The following C11orf65 variants were observed in gnomAD, a reference collection of about 807,000 sequenced individuals.
The protein encoded by C11orf65 is chromosome 11 open reading frame 65.
In C11orf65, 38 loss-of-function variants were observed where a neutral mutation model predicts 35.3. The ratio of observed to expected loss-of-function variants is 1.08; its 90% CI spans 0.83 to 1.41. C11orf65 has a LOEUF of 1.41. C11orf65 is among the 40% of genes most tolerant of loss of function. The pLI is 0.00. For synonymous variants in C11orf65, 105 were observed against 114.4 expected (o/e 0.92, Z 0.53); for missense variants, 370 against 367.1 (o/e 1.01, Z -0.06).
chr11:108,317,367 G>A lies in C11orf65; in HGVS notation c.641-8296C>T, dbSNP rs1555114529. The A allele has an allele frequency of 2.5e-6, 4 of 1,609,696 alleles. No individual in the cohort carries two copies. ...TTAACTTAAAAACAAAATAACTCCTGTTTAGGCCTTGCAGAATTTGGGACT... is the reference window on the plus strand; with the variant it reads ...TTAACTTAAAAACAAAATAACTCCTATTTAGGCCTTGCAGAATTTGGGACT... On this transcript the variant is annotated intron_variant, in intron 6 of 6. Transcript: ENST00000525729.
intron 3 of C11orf65, among the ~76,000 whole-genome samples, chr11:108,426,503 A>G (rs2092904426): frequency 1.3e-5 from 2 of 152,226 alleles, no homozygotes; most frequent in Non-Finnish European, 2.9e-5. Flanking sequence ...AAGAGAGGAC[A>G]CAAACAAATG....
At position 108,353,211 on chromosome 11, in the gene C11orf65, C is replaced by T. The variant is rs187605537; in HGVS notation, c.227-17919G>A. Among the ~76,000 whole-genome samples, 326 of 152,016 alleles carry T rather than the reference C, an allele frequency of 2.1e-3. 2 individuals are homozygous for T. Among genetic ancestry groups the T allele is most frequent in the Non-Finnish European group, 2.7e-3 (181 of 67,970 alleles). On this transcript the variant is annotated intron_variant, in intron 2 of 3. Transcript: ENST00000524755. Reference sequence around the variant, plus strand: ...TCGCCCAGGCTGGAGTGCAATGGCACGATCTCAGCTCCATGTATCCTTCAC... The same window carrying T: ...TCGCCCAGGCTGGAGTGCAATGGCATGATCTCAGCTCCATGTATCCTTCAC...
rs1026125789 is a variant in C11orf65 at position 108,399,808 on chromosome 11, G to C, written c.560+5621C>G. Among the ~76,000 whole-genome samples the C allele has an allele frequency of 9.9e-5, 15 of 152,144 alleles. No individual in the cohort carries two copies. In the South Asian group the frequency reaches 1.4e-3, roughly 15 times the overall value. ...AATCCCAGGTCAGTCCATGATCATAGCACTTGGTATCTTATTGTCAAGCAA... is the reference window on the plus strand; with the variant it reads ...AATCCCAGGTCAGTCCATGATCATACCACTTGGTATCTTATTGTCAAGCAA... On this transcript the variant is annotated intron_variant, in intron 6 of 8. Transcript: ENST00000393084.
chr11:108,354,540 G>C (rs1190792608), intron 2 of C11orf65, among the ~76,000 whole-genome samples: 3 of 152,214 alleles, frequency 2.0e-5, no homozygotes, highest in Non-Finnish European at 4.4e-5. Context: ...ATCAAAGACT[G>C]AGAGCTGAGC....
chr11:108,438,635 G>A (rs185267221), intron 2 of C11orf65, among the ~76,000 whole-genome samples: 15 of 152,096 alleles, frequency 9.9e-5, no homozygotes, highest in East Asian at 5.8e-4. Flanking sequence ...GCTTCATGAC[G>A]TTGGATTTGG....
At chr11:108,413,467 T>C (rs530027081) in intron 3 of C11orf65, among the ~76,000 whole-genome samples, 11 of 152,284 alleles carry the variant, frequency 7.2e-5, no homozygotes, top group African/African-American at 2.6e-4. Context: ...ATGTCACCAG[T>C]AGAAAAAAGA....
At chr11:108,453,147 T>TA (rs1165163791) in intron 2 of C11orf65, among the ~76,000 whole-genome samples, 29 of 122,392 alleles carry the variant, frequency 2.4e-4, no homozygotes, top group East Asian at 4.7e-4. Context: ...AAAGTATAAT[T>TA]AAAAAAAAAA....
At chr11:108,450,353 A>G (rs935051613) in intron 2 of C11orf65, among the ~76,000 whole-genome samples, 3 of 151,908 alleles carry the variant, frequency 2.0e-5, no homozygotes, top group Non-Finnish European at 4.4e-5. Flanking sequence ...TATTCACAAT[A>G]GCAAAGACTT....
rs1591172641 is a variant in C11orf65 at position 108,332,012 on chromosome 11, C to CT, written c.300-446dup. On this transcript the variant is annotated intron_variant, in intron 3 of 3. Coordinates refer to the C11orf65 transcript ENST00000524755. Reference sequence around the variant, plus strand: ...AGAAGCAGAATAACTAAAAATGTGCCTAAACAAAGCTCTCAGCTTGATGAG... The same window carrying CT: ...AGAAGCAGAATAACTAAAAATGTGCCTTAAACAAAGCTCTCAGCTTGATGAG... 1 of 1,613,852 alleles carries CT rather than the reference C, an allele frequency of 6.2e-7. No homozygotes were observed. Among genetic ancestry groups the CT allele is most frequent in the Non-Finnish European group, 8.5e-7 (1 of 1,179,902 alleles).
At chr11:108,374,202 C>G (rs543816039) in intron 2 of C11orf65, among the ~76,000 whole-genome samples, 1,033 of 48,026 alleles carry the variant, frequency 0.022, 16 homozygotes, top group African/African-American at 0.035. Flanking sequence ...GGTCCCTGAC[C>G]CCTGACCCCT....
intron 6 of C11orf65, among the ~76,000 whole-genome samples, chr11:108,317,674 CTATA>C (rs1241876600): frequency 7.7e-6 from 1 of 129,304 alleles, no homozygotes; most frequent in Non-Finnish European, 1.6e-5. Context: ...CACACACACA[CTATA>C]TATATATACA....
exon 7 of C11orf65, chr11:108,308,934 G>T: frequency 1.6e-6 from 2 of 1,251,296 alleles, no homozygotes; most frequent in Non-Finnish European, 2.3e-6. Flanking sequence ...TCTTGGTGTT[G>T]GGAGGCAGTT....
In C11orf65 at chr11:108,405,489, T is replaced by C; in HGVS notation, c.500A>G (p.Lys167Arg). Residue 167 changes from lysine to arginine, a missense_variant, in exon 6 of 9, where the codon AAG (lysine) becomes AGG (arginine). Physicochemically the swap from Lys to Arg is conservative, Grantham distance 26. Coordinates refer to ENST00000393084, the MANE Select transcript of C11orf65 (RefSeq NM_152587.5). ...KESEFHFSKLKRRQDLEKKRK... is the reference protein window; with the variant it reads ...KESEFHFSKLRRRQDLEKKRK... Reference sequence around the variant, plus strand: ...TTTCTTTTCCAAATCTTGCCTTCTCTTCAGTTTAGAGAAATGGAATTCACT... The same window carrying C: ...TTTCTTTTCCAAATCTTGCCTTCTCCTCAGTTTAGAGAAATGGAATTCACT... 6.2e-7 allele frequency: 1 copy of C among 1,613,780 alleles called. No individual in the cohort carries two copies. Among genetic ancestry groups the C allele is most frequent in the Non-Finnish European group, 8.5e-7 (1 of 1,179,814 alleles).
At position 108,410,866 on chromosome 11, in the gene C11orf65, G is replaced by A. The variant is rs149918009; in HGVS notation, c.175-3717C>T. Among the ~76,000 whole-genome samples, 426 of 151,760 alleles carry A rather than the reference G, an allele frequency of 2.8e-3. 2 individuals carry two copies. The Middle Eastern group carries it at 0.037, about 13-fold the overall frequency. On this transcript the variant is annotated intron_variant, in intron 3 of 8. Transcript: ENST00000393084. ...TGGGATTACAGGCACACGCAACCAC[G>A]ACTGGCTAATTTTTTCATATTTTTA...
At chr11:108,336,402 G>A (rs566929604) in intron 2 of C11orf65, 51 of 158,338 alleles carry the variant, frequency 3.2e-4, no homozygotes, top group Non-Finnish European at 6.6e-4. Context: ...TATTTTCTTT[G>A]TAAAAAGTAT....
intron 3 of C11orf65, among the ~76,000 whole-genome samples, chr11:108,430,431 G>A (rs914594313): frequency 1.3e-5 from 2 of 151,210 alleles, no homozygotes; most frequent in East Asian, 3.9e-4. Flanking sequence ...GAGCCACTGC[G>A]CCCAGCCTGA....
At position 108,416,415 on chromosome 11, in the gene C11orf65, C is replaced by T. The variant is rs544336433; in HGVS notation, c.175-9266G>A. On this transcript the variant is annotated intron_variant, in intron 3 of 8. Transcript: ENST00000393084. ...AACAATGAGGGCCCGGGCATGGTGG[C>T]TCAAGCCTGCAATCACAACACTTTG... Among the ~76,000 whole-genome samples, 312 of 152,236 alleles carry T rather than the reference C, an allele frequency of 2.0e-3. 1 individual carries two copies. The highest frequency in any genetic ancestry group is 7.0e-3 in the African/African-American group (292 of 41,532).
intron 2 of C11orf65, among the ~76,000 whole-genome samples, chr11:108,335,632 A>G (rs1430034451): frequency 6.6e-6 from 1 of 152,176 alleles, no homozygotes; most frequent in Non-Finnish European, 1.5e-5. Flanking sequence ...ATCTAATTAC[A>G]GAAGTAGCGA....
chr11:108,356,466 G>T (rs2089931476), intron 2 of C11orf65, among the ~76,000 whole-genome samples: 1 of 151,476 alleles, frequency 6.6e-6, no homozygotes, highest in African/African-American at 2.4e-5. Flanking sequence ...AACCCAGGAG[G>T]TGGAGGTTGT....
Sources: gnomAD v4.1 joint callset for allele counts (sites outside exome capture counted in the v4.1 genomes callset) on GRCh38, gnomAD v4.1.1 for gene constraint, MANE v1.5 for transcripts, NCBI Gene and HGNC (gene_info 2026-07-23, HGNC 2026-07-21) for gene names.